Variants in COTL1 observed in about 807,000 individuals in gnomAD.
COTL1 encodes coactosin like F-actin binding protein 1.
Under a neutral mutation model 16.5 loss-of-function variants are expected in COTL1, and 15 were observed. The ratio of observed to expected loss-of-function variants is 0.91; its 90% CI spans 0.61 to 1.40. The LOEUF (loss-of-function observed/expected upper bound fraction) is 1.40. Among genes scored for constraint, COTL1 ranks in the 40% most tolerant of loss-of-function variants. The probability of loss-of-function intolerance (pLI) is 0.00; values close to 1 mark genes in which losing one functional copy is unlikely to be tolerated. For synonymous variants in COTL1, 112 were observed against 85.3 expected, an observed-to-expected ratio of 1.31 and a Z score of -1.73; for missense variants, 220 against 201.5, an observed-to-expected ratio of 1.09 and a Z score of -0.56.
chr16:84,569,677 G>T (rs1904314488), intron 3 of COTL1, among the ~76,000 whole-genome samples: 1 of 152,186 alleles, frequency 6.6e-6, no homozygotes, highest in African/African-American at 2.4e-5. Flanking sequence ...ACACCCTTGA[G>T]ATCCTTTCTG....
chr16:84,581,817 T>C (rs558374321), intron 3 of COTL1, among the ~76,000 whole-genome samples: 3 of 151,678 alleles, frequency 2.0e-5, no homozygotes, highest in Non-Finnish European at 4.4e-5. Context: ...CTGCTTTCTA[T>C]TGAAACAGAA....
chr16:84,591,668 A>G (rs1904867909), intron 2 of COTL1, among the ~76,000 whole-genome samples: 2 of 141,660 alleles, frequency 1.4e-5, no homozygotes, highest in Admixed American at 7.1e-5. Context: ...AAAAAAAACC[A>G]AAAAATTAGC....
At chr16:84,591,716 G>C (rs1177699675) in intron 2 of COTL1, among the ~76,000 whole-genome samples, 2 of 149,140 alleles carry the variant, frequency 1.3e-5, no homozygotes, top group Non-Finnish European at 3.0e-5. Flanking sequence ...CCAGCTACCA[G>C]GGAGGCTAAG....
At chr16:84,575,492 G>C (rs1054955455) in intron 3 of COTL1, 3 of 152,114 alleles carry the variant, frequency 2.0e-5, no homozygotes, top group Middle Eastern at 3.4e-3. Context: ...GAAGTAGCTG[G>C]GATTACAGGC....
At chr16:84,578,928 T>C (rs79753762) in intron 3 of COTL1, among the ~76,000 whole-genome samples, 8 of 114,528 alleles carry the variant, frequency 7.0e-5, no homozygotes, top group Non-Finnish European at 9.8e-5. Context: ...TACACACAGA[T>C]ACATGCATGC....
intron 2 of COTL1, among the ~76,000 whole-genome samples, chr16:84,604,748 G>A (rs1046116770): frequency 1.4e-4 from 22 of 152,284 alleles, no homozygotes; most frequent in Admixed American, 4.6e-4. Context: ...CACAGGGGCC[G>A]CCAGGAGCCT....
chr16:84,580,457 C>T (rs1223795679), intron 3 of COTL1, among the ~76,000 whole-genome samples: 1 of 152,122 alleles, frequency 6.6e-6, no homozygotes, highest in East Asian at 1.9e-4. Flanking sequence ...CACTATATTG[C>T]CCAGGCTGGT....
At chr16:84,600,012 C>T (rs904693795) in intron 2 of COTL1, among the ~76,000 whole-genome samples, 11 of 152,080 alleles carry the variant, frequency 7.2e-5, no homozygotes, top group Non-Finnish European at 1.3e-4. Context: ...TGGCCGCCCA[C>T]GTCTGTAAGA....
Position 84,590,034 on chromosome 16 carries a change from G to A in COTL1, c.318+71C>T, listed in dbSNP as rs1181498103. On this transcript the variant is annotated intron_variant, in intron 3 of 3. Transcript: ENST00000262428. This position sits in a 1 kb window ranked among gnomAD's most constrained non-coding sequence, Gnocchi z 5.5. Reference sequence around the variant, plus strand: ...GCTACAGACCCAGGAGTCGAACCCAGCCCTCTCCCTCCTTGCAGGATGGTG... The same window carrying A: ...GCTACAGACCCAGGAGTCGAACCCAACCCTCTCCCTCCTTGCAGGATGGTG... The A allele has an allele frequency of 1.3e-6, 2 of 1,508,830 alleles. No homozygotes were observed. Among genetic ancestry groups the A allele is most frequent in the African/African-American group, 2.7e-5 (2 of 72,750 alleles). The allele number at this position is 1,508,830 out of a possible 1,614,324, so 93.5% of individuals were successfully genotyped here.
chr16:84,572,481 AAC>A (rs1904354934), intron 3 of COTL1, among the ~76,000 whole-genome samples: 1 of 152,004 alleles, frequency 6.6e-6, no homozygotes. Flanking sequence ...CTTTTTTTGA[AAC>A]ACAGTCTCAC....
intron 3 of COTL1, among the ~76,000 whole-genome samples, chr16:84,569,710 T>C (rs1439093209): frequency 6.6e-6 from 1 of 152,232 alleles, no homozygotes; most frequent in Non-Finnish European, 1.5e-5. Flanking sequence ...TACAGTGTGT[T>C]ACTAAGTGTA....
chr16:84,587,780 T>G (rs1232093512), intron 3 of COTL1, among the ~76,000 whole-genome samples: 1 of 151,800 alleles, frequency 6.6e-6, no homozygotes, highest in Non-Finnish European at 1.5e-5. Flanking sequence ...CATTATTTAT[T>G]TATTTATTTA....
rs79913310 is a variant in COTL1, at chr16:84,584,066, G to A, written c.318+6039C>T. ...TGGCACATCGCAGGTCACTACCAGC[G>A]GTCACTGCATTGTCCCCACAATCCT... On this transcript the variant is annotated intron_variant, in intron 3 of 3. Transcript: ENST00000262428. Among the ~76,000 whole-genome samples, 925 of 152,312 alleles carry A rather than the reference G, an allele frequency of 6.1e-3. 9 individuals carry two copies. Among genetic ancestry groups the A allele is most frequent in the African/African-American group, 0.021 (873 of 41,562 alleles).
intron 2 of COTL1, among the ~76,000 whole-genome samples, chr16:84,600,616 GCT>G (rs1487969449): frequency 6.6e-6 from 1 of 152,152 alleles, no homozygotes; most frequent in Middle Eastern, 3.2e-3. Flanking sequence ...CCCGGCCAAG[GCT>G]CTGTTTCTTT....
intron 2 of COTL1, among the ~76,000 whole-genome samples, chr16:84,607,679 G>A (rs905507351): frequency 6.6e-6 from 1 of 152,152 alleles, no homozygotes; most frequent in Non-Finnish European, 1.5e-5. Flanking sequence ...TCATGTCTGA[G>A]CGTTTGGACC....
chr16:84,605,393 C>A (rs1012289849), intron 2 of COTL1, among the ~76,000 whole-genome samples: 1 of 152,188 alleles, frequency 6.6e-6, no homozygotes, highest in African/African-American at 2.4e-5. Flanking sequence ...CAAGTGACTG[C>A]GGCAGGCAAA....
rs1474770434 is a variant in COTL1 at position 84,565,601 on chromosome 16, T to C, written c.*1244A>G. On this transcript the variant is annotated 3_prime_UTR_variant, in exon 4 of 4. Transcript: ENST00000262428. ...ACAAATCAGAAACCAAACTGTTTTCTGAAAAACAAAAAAAACATTTATTTC... is the reference window on the plus strand; with the variant it reads ...ACAAATCAGAAACCAAACTGTTTTCCGAAAAACAAAAAAAACATTTATTTC... 6.6e-6 allele frequency: 1 copy of C among 151,888 alleles called. No homozygotes were observed. The highest frequency in any genetic ancestry group is 2.4e-5 in the African/African-American group (1 of 41,290). 9.4% of individuals were successfully genotyped at this position (151,888 alleles called of 1,614,324 possible). A position where few individuals can be genotyped will look rare whatever the true frequency, so the allele number is the denominator to read the frequency against.
At chr16:84,608,631 CG>C (rs1187285202) in intron 2 of COTL1, among the ~76,000 whole-genome samples, 1 of 152,192 alleles carries the variant, frequency 6.6e-6, no homozygotes, top group African/African-American at 2.4e-5. Flanking sequence ...CCCAGCCGGG[CG>C]GGGTGGCTCA....
chr16:84,608,531 G>C (rs1905257334), intron 2 of COTL1, among the ~76,000 whole-genome samples: 1 of 152,176 alleles, frequency 6.6e-6, no homozygotes, highest in Admixed American at 6.5e-5. Flanking sequence ...CAGATCTGTG[G>C]GCAAAGAAGG....
Sources: gnomAD v4.1 joint callset for allele counts (sites outside exome capture counted in the v4.1 genomes callset) on GRCh38, gnomAD v4.1.1 for gene constraint, Gnocchi (gnomAD v3.1) non-coding constraint, MANE v1.5 for transcripts, NCBI Gene and HGNC (gene_info 2026-07-23, HGNC 2026-07-21) for gene names.